LRMDA: variants seen among roughly 807,000 people sequenced by gnomAD.
LRMDA encodes the protein leucine rich melanocyte differentiation associated, also known as leucine-rich melanocyte differentiation-associated protein.
A neutral mutation model predicts 29.8 loss-of-function variants in LRMDA; 18 were observed. The observed-to-expected ratio is 0.60, with a 90% CI of 0.42 to 0.90. The LOEUF is 0.90. LRMDA is among the 40% of genes least tolerant of loss of function. LRMDA has a pLI of 0.00. For synonymous variants in LRMDA, 125 were observed against 109.4 expected (o/e 1.14, Z -0.89); for missense variants, 273 against 273.9 (o/e 1.00, Z 0.02).
chr10:76,519,601 G>A (rs940593750), intron 6 of LRMDA, among the ~76,000 whole-genome samples: 6 of 152,166 alleles, frequency 3.9e-5, no homozygotes, highest in Middle Eastern at 3.4e-3. Flanking sequence ...TTTGATATAC[G>A]GTGACAGCTT....
chr10:76,525,361 A>T (rs937323253), intron 6 of LRMDA, among the ~76,000 whole-genome samples: 1 of 152,178 alleles, frequency 6.6e-6, no homozygotes, highest in Non-Finnish European at 1.5e-5. Context: ...AGCATGGCTC[A>T]CTGTTAACCA....
chr10:75,515,410 T>C (rs1387286228), intron 2 of LRMDA, among the ~76,000 whole-genome samples: 5 of 152,234 alleles, frequency 3.3e-5, no homozygotes, highest in Non-Finnish European at 7.3e-5. Context: ...TCTCACTCTG[T>C]CACCCAGGCA....
chr10:75,465,704 A>T (rs1240257012), intron 2 of LRMDA, among the ~76,000 whole-genome samples: 1 of 152,148 alleles, frequency 6.6e-6, no homozygotes, highest in Non-Finnish European at 1.5e-5. Flanking sequence ...AAAACATTTC[A>T]TGCTGACCAC....
At chr10:75,439,933 C>T (rs1844309136) in intron 2 of LRMDA, among the ~76,000 whole-genome samples, 1 of 151,966 alleles carries the variant, frequency 6.6e-6, no homozygotes, top group South Asian at 2.1e-4. Flanking sequence ...GTGTGACCAG[C>T]CCCCAGGGGC....
chr10:75,537,072 G>C (rs573073121), intron 2 of LRMDA, among the ~76,000 whole-genome samples: 1 of 152,062 alleles, frequency 6.6e-6, no homozygotes, highest in African/African-American at 2.4e-5. Context: ...CTTACGTTCC[G>C]GTCAAGAGTG....
intron 2 of LRMDA, among the ~76,000 whole-genome samples, chr10:75,493,199 A>T (rs557048544): frequency 7.2e-5 from 11 of 152,214 alleles, no homozygotes; most frequent in Non-Finnish European, 1.0e-4. Flanking sequence ...TTATCACCAA[A>T]ATCCAACCTC....
intron 2 of LRMDA, among the ~76,000 whole-genome samples, chr10:75,840,008 G>A (rs1033991408): frequency 1.3e-5 from 2 of 152,072 alleles, no homozygotes; most frequent in Non-Finnish European, 1.5e-5. Flanking sequence ...ACGCCTGGCC[G>A]CATTCAACTT....
intron 5 of LRMDA, among the ~76,000 whole-genome samples, chr10:76,216,404 T>C (rs1284094482): frequency 6.6e-6 from 1 of 152,120 alleles, no homozygotes; most frequent in African/African-American, 2.4e-5. Context: ...GTAAAGTAGA[T>C]TTTTTCATTA....
intron 6 of LRMDA, among the ~76,000 whole-genome samples, chr10:76,404,751 C>G (rs1403727123): frequency 2.0e-5 from 3 of 152,188 alleles, no homozygotes; most frequent in Non-Finnish European, 4.4e-5. Flanking sequence ...ACTTTTGACA[C>G]TCTTAAAGGG....
At chr10:76,329,180 G>A (rs1840873975) in intron 6 of LRMDA, among the ~76,000 whole-genome samples, 1 of 152,194 alleles carries the variant, frequency 6.6e-6, no homozygotes. Context: ...AACCTAGGCT[G>A]ATTCACTGAA....
chr10:76,557,217 G>A lies in LRMDA; in HGVS notation c.610G>A (p.Gly204Arg). 6.2e-7 allele frequency: 1 copy of A among 1,613,954 alleles called. No individual in the cohort carries two copies. The highest frequency in any genetic ancestry group is 8.5e-7 in the Non-Finnish European group (1 of 1,179,900). ...TGTCTTTTTATTTGCAGGTGTCCTG[G>A]GGAAGTGTCGCTACGTTTACTATGG... ...RELTSHQGVL[G>R]KCRYVYYGKN... is the part of the protein sequence containing the mutation. Residue 204 changes from glycine (G) to arginine (R), a missense_variant, in exon 7 of 7, where the codon GGG (glycine) becomes AGG (arginine). Physicochemically the swap from Gly to Arg is moderately radical, Grantham distance 125. Transcript: ENST00000611255.
At chr10:75,894,726 A>T (rs1845554971) in intron 2 of LRMDA, among the ~76,000 whole-genome samples, 1 of 152,132 alleles carries the variant, frequency 6.6e-6, no homozygotes, top group African/African-American at 2.4e-5. Context: ...ACTGCTTGGT[A>T]CCATGCCCCT....
Position 75,819,837 on chromosome 10 carries a change from G to A in LRMDA, c.132-216171G>A, listed in dbSNP as rs148116120. On this transcript the variant is annotated intron_variant, in intron 2 of 6. Coordinates refer to ENST00000611255, the MANE Select transcript of LRMDA (RefSeq NM_001305581.2). Reference sequence around the variant, plus strand: ...ATATGGTAACTGCTAGTAGCCATATGTGACTATTGAGCACTTGAAAATATG... The same window carrying A: ...ATATGGTAACTGCTAGTAGCCATATATGACTATTGAGCACTTGAAAATATG... Among the ~76,000 whole-genome samples, 650 of 152,316 alleles carry A rather than the reference G, an allele frequency of 4.3e-3. 5 individuals carry two copies. The highest frequency in any genetic ancestry group is 0.02 in the Middle Eastern group (6 of 294).
At chr10:76,253,906 T>G (rs1852532920) in intron 5 of LRMDA, among the ~76,000 whole-genome samples, 1 of 152,192 alleles carries the variant, frequency 6.6e-6, no homozygotes, top group Non-Finnish European at 1.5e-5. Flanking sequence ...TTTTTTACTT[T>G]TCACTCATCA....
chr10:76,411,276 G>A (rs555331438), intron 6 of LRMDA, among the ~76,000 whole-genome samples: 1 of 152,148 alleles, frequency 6.6e-6, no homozygotes, highest in Non-Finnish European at 1.5e-5. Flanking sequence ...TGCGTAAAGG[G>A]CACCTTCTTG....
chr10:76,380,637 C>T (rs1435974283), intron 6 of LRMDA, among the ~76,000 whole-genome samples: 1 of 148,182 alleles, frequency 6.7e-6, no homozygotes, highest in East Asian at 2.0e-4. Context: ...CCACTGCACT[C>T]CAGCCTGGGC....
At chr10:75,665,390 G>A (rs1841809364) in intron 2 of LRMDA, among the ~76,000 whole-genome samples, 1 of 152,124 alleles carries the variant, frequency 6.6e-6, no homozygotes, top group East Asian at 1.9e-4. Flanking sequence ...CATTATATTG[G>A]TGGGAGATAA....
intron 5 of LRMDA, among the ~76,000 whole-genome samples, chr10:76,297,603 G>A (rs1840427393): frequency 6.6e-6 from 1 of 152,156 alleles, no homozygotes; most frequent in Non-Finnish European, 1.5e-5. Flanking sequence ...TTCGACTCTG[G>A]TTGGAATCAT....
chr10:75,844,107 A>G (rs1277836636), intron 2 of LRMDA, among the ~76,000 whole-genome samples: 1 of 152,194 alleles, frequency 6.6e-6, no homozygotes, highest in Non-Finnish European at 1.5e-5. Context: ...CTGAGATAAC[A>G]AAATGAAAAA....
Sources: gnomAD v4.1 joint callset for allele counts (sites outside exome capture counted in the v4.1 genomes callset) on GRCh38, gnomAD v4.1.1 for gene constraint, MANE v1.5 for transcripts, NCBI Gene and HGNC (gene_info 2026-07-23, HGNC 2026-07-21) for gene names.